The following FAM204A variants were observed in gnomAD, a reference collection of about 807,000 sequenced individuals.
The protein encoded by FAM204A is protein FAM204A.
FAM204A carries 16 observed loss-of-function variants against 35.4 expected under a neutral mutation model. That is an observed-to-expected ratio of 0.45 (90% confidence interval 0.31 to 0.69). FAM204A has a LOEUF of 0.69. Ranked by LOEUF, FAM204A falls within the 30% of genes least tolerant of loss-of-function variation. The pLI is 0.07. For missense variants in FAM204A, 240 were observed against 265.7 expected, an observed-to-expected ratio of 0.90 and a Z score of 0.67; for synonymous variants, 76 against 86.9, an observed-to-expected ratio of 0.88 and a Z score of 0.70.
In FAM204A at chr10:118,300,873, T is replaced by G. The variant is rs1272005177; in HGVS notation, c.*9984A>C. 1 of 152,242 alleles carries G rather than the reference T, an allele frequency of 6.6e-6. No individual in the cohort carries two copies. The highest frequency in any genetic ancestry group is 6.5e-5 in the Admixed American group (1 of 15,290). The allele number at this position is 152,242 out of a possible 1,614,324, so 9.4% of individuals were successfully genotyped here. ...CACAAATGCAATACAGCAACATCAG[T>G]AATGGTAACTGAGTGCTTACTGCAT... On this transcript the variant is annotated 3_prime_UTR_variant, in exon 9 of 9. Coordinates refer to ENST00000369183, the MANE Select transcript of FAM204A (RefSeq NM_022063.3).
Position 118,300,434 on chromosome 10 carries a change from T to C in FAM204A, c.*10423A>G, listed in dbSNP as rs1248182490. The C allele has an allele frequency of 1.3e-5, 2 of 152,158 alleles. No homozygotes were observed. The highest frequency in any genetic ancestry group is 1.3e-4 in the Admixed American group (2 of 15,284). The allele number at this position is 152,158 out of a possible 1,614,324, so 9.4% of individuals were successfully genotyped here. On this transcript the variant is annotated 3_prime_UTR_variant, in exon 9 of 9. Coordinates refer to ENST00000369183, the MANE Select transcript of FAM204A (RefSeq NM_022063.3). ...TTACTGAACACCTACCATGTATGAGTCATTGAGAAATATCCTAGGAATACA... is the reference window on the plus strand; with the variant it reads ...TTACTGAACACCTACCATGTATGAGCCATTGAGAAATATCCTAGGAATACA...
chr10:118,330,560 C>T (rs1846273091), intron 6 of FAM204A, among the ~76,000 whole-genome samples: 1 of 152,160 alleles, frequency 6.6e-6, no homozygotes. Context: ...AGTAACCCTC[C>T]TAGAAATAAA....
chr10:118,318,014 C>T (rs1260406914), intron 7 of FAM204A, among the ~76,000 whole-genome samples: 2 of 151,998 alleles, frequency 1.3e-5, no homozygotes, highest in African/African-American at 4.8e-5. Flanking sequence ...TCAACACAAG[C>T]CTATTTGGTG....
rs748211835 is a variant in FAM204A at position 118,301,295 on chromosome 10, C to T, written c.*9562G>A. Reference sequence around the variant, plus strand: ...GTCTGAGATTTCACCCTACTTGCAACTTAGCAAGTCAGTTGGCCAGTTTTA... The same window carrying T: ...GTCTGAGATTTCACCCTACTTGCAATTTAGCAAGTCAGTTGGCCAGTTTTA... On this transcript the variant is annotated 3_prime_UTR_variant, in exon 9 of 9. Transcript: ENST00000369183. 9 of 152,206 alleles carry T rather than the reference C, an allele frequency of 5.9e-5. No homozygotes were observed. Among genetic ancestry groups the T allele is most frequent in the African/African-American group, 1.4e-4 (6 of 41,460 alleles). 9.4% of individuals were successfully genotyped at this position (152,206 alleles called of 1,614,324 possible).
At chr10:118,323,316 C>A (rs1846149108) in intron 7 of FAM204A, among the ~76,000 whole-genome samples, 1 of 152,106 alleles carries the variant, frequency 6.6e-6, no homozygotes, top group Non-Finnish European at 1.5e-5. Flanking sequence ...TCGGAACTAT[C>A]TCACAGACTC....
At position 118,336,111 on chromosome 10, in the gene FAM204A, C is replaced by T. The variant is rs1380733784; in HGVS notation, c.234+71G>A. 1.1e-5 allele frequency: 17 copies of T among 1,538,384 alleles called. No homozygotes were observed. The East Asian group carries it at 3.6e-4, about 33-fold the overall frequency. ...TCCCAAGAATACATGCACATTCTGA[C>T]CAGGGCAGAGACACACAGAGGCATG... On this transcript the variant is annotated intron_variant, in intron 3 of 8. Coordinates refer to ENST00000369183, the MANE Select transcript of FAM204A (RefSeq NM_022063.3).
Position 118,298,232 on chromosome 10 carries a change from C to G in FAM204A, c.*12625G>C, listed in dbSNP as rs1845770908. 1.3e-5 allele frequency: 2 copies of G among 152,178 alleles called. No individual in the cohort carries two copies. The highest frequency in any genetic ancestry group is 4.8e-5 in the African/African-American group (2 of 41,428). The allele number at this position is 152,178 out of a possible 1,614,324, so 9.4% of individuals were successfully genotyped here. A position where few individuals can be genotyped will look rare whatever the true frequency, so the allele number is the denominator to read the frequency against. On this transcript the variant is annotated 3_prime_UTR_variant, in exon 9 of 9. Coordinates refer to ENST00000369183, the MANE Select transcript of FAM204A (RefSeq NM_022063.3). ...CTTGAATCTCTTCCTAGACAGGCCC[C>G]CTGAGCCAGACAGGAAATCCACTGG...
At chr10:118,312,113 G>A (rs1359607163) in intron 7 of FAM204A, among the ~76,000 whole-genome samples, 1 of 152,220 alleles carries the variant, frequency 6.6e-6, no homozygotes, top group African/African-American at 2.4e-5. Context: ...TCCCCAGCAA[G>A]CATCTCCAGG....
In FAM204A at chr10:118,335,119, C is replaced by G; in HGVS notation, c.448G>C (p.Glu150Gln). 2 of 1,609,740 alleles carry G rather than the reference C, an allele frequency of 1.2e-6. No individual in the cohort carries two copies. The highest frequency in any genetic ancestry group is 2.2e-5 in the East Asian group (1 of 44,796). Residue 150 changes from glutamate to glutamine, a missense_variant, in exon 6 of 9, where the codon GAG becomes CAG. Physicochemically the swap from Glu to Gln is conservative, Grantham distance 29. Transcript: ENST00000369183. The part of the protein sequence containing the change: ...FDPPVKRKKV[E>Q]KSGLEKRIDQ... ...TGCAATAACAAAGATATTACCTTCT[C>G]AACTTTTTTCCTTTTAACAGGCGGG...
intron 7 of FAM204A, among the ~76,000 whole-genome samples, chr10:118,314,296 C>T (rs185543324): frequency 2.0e-5 from 3 of 152,250 alleles, no homozygotes; most frequent in African/African-American, 7.2e-5. Flanking sequence ...TGTTCTTCAG[C>T]TGATAAAACA....
rs1845805004 is a variant in FAM204A, at chr10:118,301,208, TAAC to T, written c.*9646_*9648del. The T allele has an allele frequency of 1.3e-5, 2 of 152,212 alleles. No homozygotes were observed. The highest frequency in any genetic ancestry group is 2.9e-5 in the Non-Finnish European group (2 of 68,042). The allele number at this position is 152,212 out of a possible 1,614,324, so 9.4% of individuals were successfully genotyped here. ...AAAATTGGCACGTACTGTGGAGTAA[TAAC>T]AACATTAGTACTAACAAACACTTAC... On this transcript the variant is annotated 3_prime_UTR_variant, in exon 9 of 9. Coordinates refer to ENST00000369183, the MANE Select transcript of FAM204A (RefSeq NM_022063.3).
In FAM204A at chr10:118,325,756, A is replaced by C. The variant is rs566325699; in HGVS notation, c.543+398T>G. On this transcript the variant is annotated intron_variant, in intron 7 of 8. Coordinates refer to ENST00000369183, the MANE Select transcript of FAM204A (RefSeq NM_022063.3). ...GGATGTGCTGAGCAAACAGTAAGAA[A>C]GCATTTTACCAAGGGTTAAGAAAAG... Among the ~76,000 whole-genome samples the C allele has an allele frequency of 2.6e-5, 4 of 152,324 alleles. No homozygotes were observed. In the South Asian group the frequency reaches 8.3e-4, roughly 32 times the overall value.
intron 7 of FAM204A, among the ~76,000 whole-genome samples, chr10:118,322,706 GT>G (rs1378389813): frequency 5.9e-5 from 9 of 152,102 alleles, no homozygotes; most frequent in African/African-American, 1.9e-4. Context: ...GTTGTAAAAT[GT>G]TAGCATTTCT....
At chr10:118,311,422 G>T in intron 7 of FAM204A, 109 bp from the exon 8 acceptor site, 1 of 824,664 alleles carries the variant, frequency 1.2e-6, no homozygotes, top group Non-Finnish European at 1.9e-6. Flanking sequence ...GCCATGTCTA[G>T]AAATTAGAAA....
In FAM204A at chr10:118,308,200, T is replaced by G. The variant is rs908645405; in HGVS notation, c.*2657A>C. 1 of 152,218 alleles carries G rather than the reference T, an allele frequency of 6.6e-6. No individual in the cohort carries two copies. Among genetic ancestry groups the G allele is most frequent in the Non-Finnish European group, 1.5e-5 (1 of 68,026 alleles). The allele number at this position is 152,218 out of a possible 1,614,324, so 9.4% of individuals were successfully genotyped here. A position where few individuals can be genotyped will look rare whatever the true frequency, so the allele number is the denominator to read the frequency against. On this transcript the variant is annotated 3_prime_UTR_variant, in exon 9 of 9. Transcript: ENST00000369183. ...CTTAAATAGTAAATCATAGTTACAT[T>G]AATGCCATACCAACGGCCTGAAACA... is the stretch of plus-strand genomic sequence containing the variant.
intron 7 of FAM204A, among the ~76,000 whole-genome samples, chr10:118,313,798 G>T (rs1197774408): frequency 6.6e-6 from 1 of 152,156 alleles, no homozygotes; most frequent in Non-Finnish European, 1.5e-5. Flanking sequence ...TATTTGCCAT[G>T]TAACATTAAC....
chr10:118,318,035 T>A (rs1846057866), intron 7 of FAM204A, among the ~76,000 whole-genome samples: 1 of 151,966 alleles, frequency 6.6e-6, no homozygotes, highest in African/African-American at 2.4e-5. Context: ...AAAGGTTTTT[T>A]CCCTCCCCAG....
At chr10:118,336,546 T>A in intron 2 of FAM204A, 123 bp from the exon 3 acceptor site, 1 of 778,504 alleles carries the variant, frequency 1.3e-6, no homozygotes, top group Non-Finnish European at 1.8e-6. Context: ...CATCTAAACT[T>A]TTTTTTTTTA....
Position 118,309,801 on chromosome 10 carries a change from A to G in FAM204A, c.*1056T>C, listed in dbSNP as rs188076942. 6.6e-6 allele frequency: 1 copy of G among 152,338 alleles called. No homozygotes were observed. Among genetic ancestry groups the G allele is most frequent in the East Asian group, 1.9e-4 (1 of 5,188 alleles). 9.4% of individuals were successfully genotyped at this position (152,338 alleles called of 1,614,324 possible). A position where few individuals can be genotyped will look rare whatever the true frequency, so the allele number is the denominator to read the frequency against. On this transcript the variant is annotated 3_prime_UTR_variant, in exon 9 of 9. Transcript: ENST00000369183. The stretch of plus-strand genomic sequence containing the variant: ...TGAGTTATAATTGTCTGTTTAATAC[A>G]ATTACACCATTTTCTCTTCTAAGAA...
Sources: gnomAD v4.1 joint callset for allele counts (sites outside exome capture counted in the v4.1 genomes callset) on GRCh38, gnomAD v4.1.1 for gene constraint, MANE v1.5 for transcripts, NCBI Gene and HGNC (gene_info 2026-07-23, HGNC 2026-07-21) for gene names.